Variants in NBPF20 observed in about 807,000 individuals in gnomAD.
The protein encoded by NBPF20 is NBPF family member NBPF20.
NBPF20 carries 90 observed loss-of-function variants against 68.1 expected under a neutral mutation model. The ratio of observed to expected loss-of-function variants is 1.32; its 90% CI spans 1.11 to 1.58. The LOEUF (loss-of-function observed/expected upper bound fraction) is 1.58. NBPF20 is among the 40% of genes most tolerant of loss of function. NBPF20 has a pLI of 0.00. For missense variants in NBPF20, 816 were observed against 601.2 expected (o/e 1.36, Z -3.74); for synonymous variants, 290 against 228.1 (o/e 1.27, Z -2.45).
chr1:145,416,249 C>T, the NBPF20 span, among the ~76,000 whole-genome samples: 1 of 130,096 alleles, frequency 7.7e-6, no homozygotes, highest in Non-Finnish European at 1.6e-5. Flanking sequence ...CTTGTGCTCA[C>T]CAGACAAGGT....
upstream of NBPF20, among the ~76,000 whole-genome samples, chr1:145,408,343 C>T (rs200145560): frequency 7.9e-5 from 12 of 151,886 alleles, no homozygotes; most frequent in African/African-American, 2.9e-4. Flanking sequence ...CCCACCCATA[C>T]CCCTCCTGTG....
upstream of NBPF20, chr1:145,405,596 G>A: frequency 3.9e-6 from 3 of 771,310 alleles, no homozygotes; most frequent in South Asian, 1.8e-5. Flanking sequence ...TAGAAGGTGG[G>A]GGTGTCATGG....
intron 111 of NBPF20, 27 bp from the exon 117 acceptor site, chr1:145,312,407 T>C: frequency 1.8e-5 from 1 of 54,190 alleles, no homozygotes; most frequent in Non-Finnish European, 2.8e-5. Flanking sequence ...AAGTAAAGAA[T>C]AAGCCAGGGG....
intron 7 of NBPF20, among the ~76,000 whole-genome samples, chr1:145,397,810 T>A (rs1329385191): frequency 3.3e-5 from 5 of 152,010 alleles, no homozygotes; most frequent in Admixed American, 2.0e-4. Context: ...AAGAGTCAAG[T>A]CCCATCAGTG....
chr1:145,401,202 C>A, intron 4 of NBPF20, 71 bp from the exon 10 acceptor site: 2 of 1,314,192 alleles, frequency 1.5e-6, no homozygotes, highest in Non-Finnish European at 2.2e-6. Context: ...GCCCAATGTG[C>A]AACAGAGACA....
Position 145,311,850 on chromosome 1 carries a change from C to T in NBPF20, c.13660+358G>A, listed in dbSNP as rs1405269167. 4.6e-4 allele frequency among the ~76,000 whole-genome samples: 51 copies of T among 110,088 alleles called. 4 individuals are homozygous for T. Among genetic ancestry groups the T allele is most frequent in the African/African-American group, 2.0e-3 (44 of 22,392 alleles). 72.2% of individuals were successfully genotyped at this position (110,088 alleles called of 152,430 possible). On this transcript the variant is annotated intron_variant, in intron 112 of 137. Transcript: ENST00000369373. ...TCTCATCAAATACTCAGATTGTTCA[C>T]GGTAGCGAGGATTTTAGATGCTGAA...
At chr1:145,418,997 GA>G in the NBPF20 span, among the ~76,000 whole-genome samples, 2 of 142,458 alleles carry the variant, frequency 1.4e-5, no homozygotes, top group African/African-American at 5.3e-5. Context: ...GAAAGAAAAA[GA>G]GAGAGCATGA....
upstream of NBPF20, among the ~76,000 whole-genome samples, chr1:145,406,271 T>C (rs1400117194): frequency 3.3e-5 from 5 of 151,574 alleles, no homozygotes; most frequent in African/African-American, 2.4e-5. Context: ...ATGCCACTAA[T>C]TTGTTTGATT....
chr1:145,402,961 T>A (rs1662595665), intron 3 of NBPF20, among the ~76,000 whole-genome samples: 1 of 151,666 alleles, frequency 6.6e-6, no homozygotes. Flanking sequence ...TTTGGTTAAT[T>A]TTGTGTTATG....
At chr1:145,414,777 G>A in the NBPF20 span, among the ~76,000 whole-genome samples, 1 of 137,920 alleles carries the variant, frequency 7.3e-6, no homozygotes, top group Non-Finnish European at 1.6e-5. Flanking sequence ...CAGAGCCCTT[G>A]CCACCTGAAG....
In NBPF20 at chr1:145,401,183, GCA is replaced by G. The variant is rs1427081341; in HGVS notation, c.494-54_494-53del. 2.7e-6 allele frequency: 4 copies of G among 1,507,698 alleles called. No individual in the cohort carries two copies. The African/African-American group carries it at 5.5e-5, about 21-fold the overall frequency. The allele number at this position is 1,507,698 out of a possible 1,614,324, so 93.4% of individuals were successfully genotyped here. ...ATATTTCCCACTTCACAGTCTGCAA[GCA>G]CAGTCAGCCCAATGTGCAACAGAGA... On this transcript the variant is annotated intron_variant, in intron 4 of 137. Transcript: ENST00000369373.
intron 3 of NBPF20, 64 bp downstream of exon 8, chr1:145,403,152 G>C: frequency 6.3e-7 from 1 of 1,596,934 alleles, no homozygotes; most frequent in South Asian, 1.1e-5. Flanking sequence ...TCTCCCCACC[G>C]AGCTGCTGTA....
chr1:145,403,894 T>C (rs1553666174), intron 2 of NBPF20, among the ~76,000 whole-genome samples: 1 of 151,676 alleles, frequency 6.6e-6, no homozygotes, highest in Non-Finnish European at 1.5e-5. Flanking sequence ...TAATAAAGTT[T>C]GTGTTAATTT....
rs587650464 is a variant in NBPF20 at position 145,405,380 on chromosome 1, G to A, written c.-36+30C>T. On this transcript the variant is annotated intron_variant, in intron 1 of 137. Coordinates refer to ENST00000369373, the Ensembl canonical transcript of NBPF20. ...TCAAATAGGTTTAATCAGGACTGAG[G>A]GATGTCAGTAACTGAAATTCTTACC... The A allele has an allele frequency of 4.0e-6, 6 of 1,499,528 alleles. No homozygotes were observed. The East Asian group carries it at 1.4e-4, about 34-fold the overall frequency. 92.9% of individuals were successfully genotyped at this position (1,499,528 alleles called of 1,614,324 possible).
chr1:145,390,295 G>T (rs1571357596), intron 13 of NBPF20, among the ~76,000 whole-genome samples, 179 bp from the exon 19 acceptor site: 2 of 56,322 alleles, frequency 3.6e-5, no homozygotes, highest in East Asian at 6.3e-4. Flanking sequence ...GGAAAAGAAT[G>T]AAAGAGAAAG....
chr1:145,291,535 G>A lies in NBPF20; in HGVS notation c.16932C>T (p.Phe5644=), dbSNP rs782035381. The A allele has an allele frequency of 2.9e-5, 46 of 1,611,874 alleles. No individual in the cohort carries two copies. In the East Asian group the frequency reaches 9.4e-4, roughly 33 times the overall value. ...GCTTAGTAAGGGCTGTTTATTGTGG[G>A]AATATGACTCCCATCTGGAACACCA... The change falls in exon 138 of 138, where the codon TTC becomes TTT. Residue 5644 remains phenylalanine, a synonymous_variant. Transcript: ENST00000369373.
chr1:145,298,452 T>G (rs1661349831), intron 129 of NBPF20, among the ~76,000 whole-genome samples: 2 of 132,414 alleles, frequency 1.5e-5, no homozygotes, highest in East Asian at 4.5e-4. Context: ...AACAGGACAC[T>G]CTGAGTTAGT....
chr1:145,410,459 C>T (rs1418688644), upstream of NBPF20, among the ~76,000 whole-genome samples: 9 of 149,800 alleles, frequency 6.0e-5, no homozygotes, highest in South Asian at 2.1e-4. Context: ...GGACTACAGG[C>T]GCCCGCCACT....
exon 138 of NBPF20, chr1:145,291,272 A>C: frequency 1.6e-6 from 1 of 626,056 alleles, no homozygotes; most frequent in Middle Eastern, 4.4e-4. Context: ...TACGTGGTTC[A>C]AATTAAAATG....
Sources: allele counts gnomAD v4.1 joint callset (sites outside exome capture counted in the v4.1 genomes callset), GRCh38; gene constraint gnomAD v4.1.1; transcripts MANE v1.5; gene names NCBI Gene and HGNC (gene_info 2026-07-23, HGNC 2026-07-21).